PPP2R2C: variants seen among roughly 807,000 people sequenced by gnomAD.
The protein encoded by PPP2R2C is protein phosphatase 2 regulatory subunit Bgamma.
In PPP2R2C, 10 loss-of-function variants were observed where a neutral mutation model predicts 45.3. That is an observed-to-expected ratio of 0.22 (90% CI 0.14 to 0.37). PPP2R2C has a LOEUF of 0.37. Among genes scored for constraint, PPP2R2C ranks in the 10% least tolerant of loss-of-function variants. The pLI is 1.00. For missense variants in PPP2R2C, 308 were observed against 619.7 expected (o/e 0.50, Z 5.34); for synonymous variants, 257 against 245.4 (o/e 1.05, Z -0.44).
intron 2 of PPP2R2C, among the ~76,000 whole-genome samples, chr4:6,486,469 G>A (rs1051168915): frequency 6.6e-6 from 1 of 151,980 alleles, no homozygotes; most frequent in East Asian, 1.9e-4. Context: ...AGTAAGAGAA[G>A]GTTATTGAAA....
chr4:6,332,615 G>C lies in PPP2R2C; in HGVS notation c.960+947C>G, dbSNP rs1010615207. On this transcript the variant is annotated intron_variant, in intron 7 of 8. Transcript: ENST00000382599. The surrounding 1 kb of genome is among the most constrained non-coding windows in gnomAD (Gnocchi z 4.9). ...AGGAAAGGAAAGCGTAGGGCTCTGA[G>C]CCTGGGCTCTGAATCTGTCACCGCC... Among the ~76,000 whole-genome samples the C allele has an allele frequency of 1.3e-5, 2 of 152,194 alleles. No homozygotes were observed. Among genetic ancestry groups the C allele is most frequent in the Admixed American group, 1.3e-4 (2 of 15,276 alleles).
intron 1 of PPP2R2C, among the ~76,000 whole-genome samples, chr4:6,450,787 T>A (rs1024080699): frequency 6.6e-6 from 1 of 152,144 alleles, no homozygotes; most frequent in Non-Finnish European, 1.5e-5. Flanking sequence ...AACAATTCCA[T>A]ACCTGGGTAG....
intron 2 of PPP2R2C, among the ~76,000 whole-genome samples, chr4:6,504,115 C>A (rs1342811585): frequency 2.0e-5 from 3 of 152,198 alleles, no homozygotes; most frequent in Non-Finnish European, 4.4e-5. Flanking sequence ...TAGCTGACAG[C>A]ATGTGGGGCA....
intron 1 of PPP2R2C, among the ~76,000 whole-genome samples, chr4:6,443,051 G>A (rs1025050654): frequency 3.9e-5 from 6 of 152,196 alleles, no homozygotes; most frequent in East Asian, 1.9e-4. Flanking sequence ...TCCCATTTCC[G>A]TCTGCTGTGG....
chr4:6,372,907 T>C (rs1714970426), intron 4 of PPP2R2C, among the ~76,000 whole-genome samples: 1 of 152,254 alleles, frequency 6.6e-6, no homozygotes, highest in Non-Finnish European at 1.5e-5. Context: ...GCTTACCTGC[T>C]GTGGGTCTGT....
intron 2 of PPP2R2C, among the ~76,000 whole-genome samples, chr4:6,477,902 G>A (rs965887669): frequency 1.3e-5 from 2 of 151,876 alleles, no homozygotes; most frequent in African/African-American, 4.8e-5. Flanking sequence ...CCTTGAGCCA[G>A]CCTCCTCACT....
intron 2 of PPP2R2C, among the ~76,000 whole-genome samples, chr4:6,479,109 T>G (rs1474206551): frequency 6.6e-6 from 1 of 152,158 alleles, no homozygotes; most frequent in African/African-American, 2.4e-5. Flanking sequence ...ACTTTACAAA[T>G]GAACAAACCG....
At chr4:6,407,902 G>C (rs547553497) in intron 1 of PPP2R2C, among the ~76,000 whole-genome samples, 12 of 152,340 alleles carry the variant, frequency 7.9e-5, no homozygotes, top group African/African-American at 2.9e-4. Context: ...TGGCTAGTCT[G>C]AGCTGGGATG....
intron 1 of PPP2R2C, among the ~76,000 whole-genome samples, chr4:6,451,127 C>T (rs1013061053): frequency 2.0e-5 from 3 of 152,208 alleles, no homozygotes; most frequent in South Asian, 2.1e-4. Flanking sequence ...CCACCCGACA[C>T]GGTACCATCA....
At chr4:6,412,302 G>A (rs533882092) in intron 1 of PPP2R2C, among the ~76,000 whole-genome samples, 31 of 152,172 alleles carry the variant, frequency 2.0e-4, no homozygotes, top group African/African-American at 7.0e-4. Context: ...ACGTTCAGGG[G>A]CTGTGCAAGA....
chr4:6,453,627 G>A (rs780771176), intron 1 of PPP2R2C, among the ~76,000 whole-genome samples: 5 of 152,212 alleles, frequency 3.3e-5, no homozygotes, highest in African/African-American at 7.2e-5. Context: ...CCAGACCACC[G>A]GGGCTGTAAT....
chr4:6,505,048 C>T (rs185755531), intron 2 of PPP2R2C, among the ~76,000 whole-genome samples: 24 of 152,072 alleles, frequency 1.6e-4, no homozygotes, highest in Admixed American at 3.9e-4. Flanking sequence ...TGGAAAGAAG[C>T]CGGAGAAAAA....
intron 5 of PPP2R2C, among the ~76,000 whole-genome samples, chr4:6,357,530 C>A (rs541645348): frequency 6.6e-6 from 1 of 152,236 alleles, no homozygotes; most frequent in African/African-American, 2.4e-5. Context: ...GAAAGCCCCA[C>A]GCACAGTGGA....
chr4:6,557,228 A>G (rs944326944), intron 1 of PPP2R2C, among the ~76,000 whole-genome samples: 3 of 152,222 alleles, frequency 2.0e-5, no homozygotes, highest in African/African-American at 7.2e-5. Context: ...GAATCTGGGA[A>G]GAATATTTGA....
intron 5 of PPP2R2C, among the ~76,000 whole-genome samples, chr4:6,366,496 G>T (rs1714320945): frequency 6.6e-6 from 1 of 152,230 alleles, no homozygotes; most frequent in Non-Finnish European, 1.5e-5. Flanking sequence ...GCCTCACCCT[G>T]GGTTCCTAAT....
intron 1 of PPP2R2C, among the ~76,000 whole-genome samples, chr4:6,453,131 C>T (rs1404661836): frequency 2.0e-5 from 3 of 152,178 alleles, no homozygotes; most frequent in Admixed American, 2.0e-4. Flanking sequence ...ATCGGATACA[C>T]CTAACGCCTC....
At position 6,332,984 on chromosome 4, in the gene PPP2R2C, A is replaced by G. The variant is rs576229068; in HGVS notation, c.960+578T>C. 6.6e-6 allele frequency among the ~76,000 whole-genome samples: 1 copy of G among 152,134 alleles called. No individual in the cohort carries two copies. The highest frequency in any genetic ancestry group is 1.5e-5 in the Non-Finnish European group (1 of 68,034). ...AGTCCACATTTTATTTTAACATCAC[A>G]TGAGTTTTGTTGTCTACCCCCTAAC... On this transcript the variant is annotated intron_variant, in intron 7 of 8. Coordinates refer to ENST00000382599, the MANE Select transcript of PPP2R2C (RefSeq NM_020416.4). The surrounding 1 kb of genome is among the most constrained non-coding windows in gnomAD (Gnocchi z 4.9).
At chr4:6,394,166 T>C (rs1183515410) in intron 1 of PPP2R2C, among the ~76,000 whole-genome samples, 2 of 152,182 alleles carry the variant, frequency 1.3e-5, no homozygotes, top group Non-Finnish European at 1.5e-5. Flanking sequence ...TCTGACAGGT[T>C]TTCCTGTGGT....
chr4:6,511,525 A>G (rs62635968), intron 2 of PPP2R2C, among the ~76,000 whole-genome samples: 1,559 of 4,538 alleles, frequency 0.34, 230 homozygotes, highest in East Asian at 0.72. Context: ...GGTGGTGGTG[A>G]TGGTGGTGGT....
Sources: gnomAD v4.1 joint callset for allele counts (sites outside exome capture counted in the v4.1 genomes callset) on GRCh38, gnomAD v4.1.1 for gene constraint, Gnocchi (gnomAD v3.1) non-coding constraint, MANE v1.5 for transcripts, NCBI Gene and HGNC (gene_info 2026-07-23, HGNC 2026-07-21) for gene names.